The following MGAT4C variants were observed in gnomAD, a reference collection of about 807,000 sequenced individuals.
MGAT4C encodes the protein alpha-1,3-mannosyl-glycoprotein 4-beta-N-acetylglucosaminyltransferase C.
MGAT4C carries 19 observed loss-of-function variants against 40.1 expected under a neutral mutation model. The observed-to-expected ratio is 0.47, with a 90% CI of 0.33 to 0.70. The LOEUF (loss-of-function observed/expected upper bound fraction) is 0.70. Ranked by LOEUF, MGAT4C falls within the 30% of genes least tolerant of loss-of-function variation. MGAT4C has a pLI of 0.02. For synonymous variants in MGAT4C, 181 were observed against 187.1 expected (o/e 0.97, Z 0.27); for missense variants, 491 against 563.2 (o/e 0.87, Z 1.30).
chr12:86,420,731 T>G (rs2136255660), intron 3 of MGAT4C, among the ~76,000 whole-genome samples: 1 of 151,024 alleles, frequency 6.6e-6, no homozygotes, highest in South Asian at 2.1e-4. Flanking sequence ...AGCCTGCTAC[T>G]TGAACAGTTT....
chr12:86,718,619 G>A (rs1950688382), intron 2 of MGAT4C, among the ~76,000 whole-genome samples: 1 of 152,134 alleles, frequency 6.6e-6, no homozygotes, highest in African/African-American at 2.4e-5. Context: ...CTACCCATCT[G>A]TGGTCTGCTA....
At chr12:86,043,237 A>G (rs766637954) in intron 2 of MGAT4C, among the ~76,000 whole-genome samples, 1 of 152,192 alleles carries the variant, frequency 6.6e-6, no homozygotes, top group African/African-American at 2.4e-5. Context: ...AGGAGTTTTG[A>G]CTTAACACAG....
intron 2 of MGAT4C, among the ~76,000 whole-genome samples, chr12:86,032,073 G>A (rs543693847): frequency 2.0e-5 from 3 of 151,812 alleles, no homozygotes; most frequent in Non-Finnish European, 4.4e-5. Flanking sequence ...ATCTCCATCT[G>A]TGTTGCTGCA....
At position 85,964,718 on chromosome 12, in the gene MGAT4C, C is replaced by T. The variant is rs888866289; in HGVS notation, c.*14571G>A. On this transcript the variant is annotated 3_prime_UTR_variant, in exon 5 of 5. Coordinates refer to ENST00000611864, the MANE Select transcript of MGAT4C (RefSeq NM_001351288.2). Reference sequence around the variant, plus strand: ...AGTTTTTCTCGGCTGTTTCCTCTGACAGTTCTGTGGTAAAGAAGAAACATT... The same window carrying T: ...AGTTTTTCTCGGCTGTTTCCTCTGATAGTTCTGTGGTAAAGAAGAAACATT... 6 of 152,114 alleles carry T rather than the reference C, an allele frequency of 3.9e-5. No individual in the cohort carries two copies. The highest frequency in any genetic ancestry group is 8.8e-5 in the Non-Finnish European group (6 of 68,010). 9.4% of individuals were successfully genotyped at this position (152,114 alleles called of 1,614,324 possible). A position where few individuals can be genotyped will look rare whatever the true frequency, so the allele number is the denominator to read the frequency against.
chr12:86,371,248 A>G (rs1260732258), intron 3 of MGAT4C, among the ~76,000 whole-genome samples: 4 of 151,894 alleles, frequency 2.6e-5, no homozygotes, highest in Non-Finnish European at 2.9e-5. Flanking sequence ...GTGAAGGGAG[A>G]AAGCTTTAAC....
chr12:86,129,904 A>C (rs1283296329), intron 1 of MGAT4C, among the ~76,000 whole-genome samples: 1 of 152,180 alleles, frequency 6.6e-6, no homozygotes, highest in East Asian at 1.9e-4. Flanking sequence ...TTAGCAAATC[A>C]GTCTACCCCT....
At chr12:86,080,317 T>C (rs1870589588) in intron 1 of MGAT4C, among the ~76,000 whole-genome samples, 1 of 152,230 alleles carries the variant, frequency 6.6e-6, no homozygotes, top group African/African-American at 2.4e-5. Context: ...AATTTATTTG[T>C]ATTATTTTAA....
At chr12:86,624,432 CA>C (rs1226191030) in intron 2 of MGAT4C, among the ~76,000 whole-genome samples, 6 of 152,156 alleles carry the variant, frequency 3.9e-5, no homozygotes, top group African/African-American at 1.2e-4. Context: ...AACATACAAA[CA>C]GAGACCCTTA....
At chr12:86,471,050 A>T (rs1957751097) in intron 2 of MGAT4C, among the ~76,000 whole-genome samples, 1 of 152,096 alleles carries the variant, frequency 6.6e-6, no homozygotes, top group African/African-American at 2.4e-5. Context: ...AGACAAAATA[A>T]GAAAATTATC....
chr12:86,030,930 T>C (rs1189431486), intron 2 of MGAT4C, among the ~76,000 whole-genome samples: 1 of 151,728 alleles, frequency 6.6e-6, no homozygotes, highest in Non-Finnish European at 1.5e-5. Flanking sequence ...GAATGCAAAA[T>C]TGTGCTTAGA....
chr12:86,808,321 A>C (rs1031727324), intron 1 of MGAT4C, among the ~76,000 whole-genome samples: 1 of 152,058 alleles, frequency 6.6e-6, no homozygotes, highest in Non-Finnish European at 1.5e-5. Flanking sequence ...AGAGATATAC[A>C]ACAAAAAAGG....
chr12:86,564,608 A>G (rs1190425054), intron 2 of MGAT4C, among the ~76,000 whole-genome samples: 1 of 152,242 alleles, frequency 6.6e-6, no homozygotes. Context: ...CTTCTACCTT[A>G]GTAAAATTTC....
chr12:86,774,281 C>CTCTTTCTTTCTTTCTTTCTTTTTCTT (rs1555227735), intron 1 of MGAT4C, among the ~76,000 whole-genome samples: 5 of 58,954 alleles, frequency 8.5e-5, no homozygotes, highest in African/African-American at 3.2e-4. Flanking sequence ...CTAAGGCTTG[C>CTCTTTCTTTCTTTCTTTCTTTTTCTT]TCTTTCTTTC....
At chr12:86,765,021 A>T (rs1168278291) in intron 1 of MGAT4C, among the ~76,000 whole-genome samples, 1 of 152,226 alleles carries the variant, frequency 6.6e-6, no homozygotes, top group Non-Finnish European at 1.5e-5. Context: ...ACGGAGAATG[A>T]CTTTGACAAG....
chr12:86,556,673 A>G (rs1165749020), intron 2 of MGAT4C, among the ~76,000 whole-genome samples: 1 of 152,208 alleles, frequency 6.6e-6, no homozygotes, highest in Non-Finnish European at 1.5e-5. Flanking sequence ...ATATGCATTA[A>G]GTATAGGGTT....
intron 2 of MGAT4C, among the ~76,000 whole-genome samples, chr12:86,016,990 T>C (rs1317945469): frequency 6.6e-6 from 1 of 152,180 alleles, no homozygotes; most frequent in Non-Finnish European, 1.5e-5. Flanking sequence ...TCAAAAGTTG[T>C]TGTTCACTTT....
Position 86,774,344 on chromosome 12 carries a change from TCTCTCTCTCCCC to T in MGAT4C, c.-261-47115_-261-47104del, listed in dbSNP as rs1565981694. Among the ~76,000 whole-genome samples the T allele has an allele frequency of 1.5e-3, 108 of 69,888 alleles. 1 individual carries two copies. Among genetic ancestry groups the T allele is most frequent in the Admixed American group, 2.3e-3 (16 of 6,824 alleles). 45.8% of individuals were successfully genotyped at this position (69,888 alleles called of 152,430 possible). On this transcript the variant is annotated intron_variant, in intron 1 of 7. Coordinates refer to the MGAT4C transcript ENST00000548651. ...CTTTCTTTCTTTCTTTCTTTCTGTC[TCTCTCTCTCCCC>T]TCTCTCTCTCTCTCTTTCTGTCTGT...
chr12:86,297,396 T>G (rs2136135775), intron 4 of MGAT4C, among the ~76,000 whole-genome samples: 1 of 152,334 alleles, frequency 6.6e-6, no homozygotes, highest in East Asian at 1.9e-4. Context: ...CTTATATATT[T>G]ACACAAAATG....
intron 2 of MGAT4C, among the ~76,000 whole-genome samples, chr12:86,537,778 A>G (rs1959099648): frequency 6.6e-6 from 1 of 151,836 alleles, no homozygotes; most frequent in Non-Finnish European, 1.5e-5. Context: ...AAAGGTGAAC[A>G]TTGGTTGATA....
Sources: allele counts gnomAD v4.1 joint callset (sites outside exome capture counted in the v4.1 genomes callset), GRCh38; gene constraint gnomAD v4.1.1; transcripts MANE v1.5; gene names NCBI Gene and HGNC (gene_info 2026-07-23, HGNC 2026-07-21).